Variants in ASPRV1 observed in about 807,000 individuals in gnomAD.
The protein encoded by ASPRV1 is aspartic peptidase retroviral like 1, also known as retroviral-like aspartic protease 1.
A neutral mutation model predicts 11.0 loss-of-function variants in ASPRV1; 7 were observed. That is an observed-to-expected ratio of 0.64 (90% confidence interval 0.36 to 1.20). The LOEUF (loss-of-function observed/expected upper bound fraction) is 1.20, where lower values mean the gene tolerates loss of function less well. Ranked by LOEUF, ASPRV1 falls within the 50% of genes most tolerant of loss-of-function variation. The pLI is 0.02. For missense variants in ASPRV1, 299 were observed against 320.0 expected (o/e 0.93, Z 0.50); for synonymous variants, 136 against 138.4 (o/e 0.98, Z 0.12).
At chr2:70,004,346 A>G in the ASPRV1 span, among the ~76,000 whole-genome samples, 3 of 152,056 alleles carry the variant, frequency 2.0e-5, no homozygotes, top group Non-Finnish European at 2.9e-5. Flanking sequence ...CCTGGCCAAC[A>G]TGGTAAAACC....
chr2:70,031,277 T>C, the ASPRV1 span: 1 of 152,220 alleles, frequency 6.6e-6, no homozygotes, highest in South Asian at 2.1e-4. Context: ...AAGGATTTGC[T>C]GAGAAAGGCT....
chr2:70,057,156 C>T, the ASPRV1 span, among the ~76,000 whole-genome samples: 1 of 151,874 alleles, frequency 6.6e-6, no homozygotes, highest in Non-Finnish European at 1.5e-5. Flanking sequence ...AATCCCAGCA[C>T]TTTGGGAGGC....
At chr2:69,981,656 G>T in the ASPRV1 span, among the ~76,000 whole-genome samples, 4 of 152,038 alleles carry the variant, frequency 2.6e-5, no homozygotes, top group African/African-American at 7.2e-5. Context: ...TCCCGGGTTC[G>T]AGCAATTATC....
chr2:69,981,477 CAT>C, the ASPRV1 span, among the ~76,000 whole-genome samples: 1 of 152,168 alleles, frequency 6.6e-6, no homozygotes, highest in East Asian at 1.9e-4. Flanking sequence ...TAGAGTGAAT[CAT>C]AGTTTCTTCT....
At chr2:70,021,159 C>T in the ASPRV1 span, among the ~76,000 whole-genome samples, 1 of 152,038 alleles carries the variant, frequency 6.6e-6, no homozygotes, top group African/African-American at 2.4e-5. Flanking sequence ...TGGTGTTTTT[C>T]CTTCTGTAAC....
chr2:70,000,988 A>C, the ASPRV1 span, among the ~76,000 whole-genome samples: 1 of 152,028 alleles, frequency 6.6e-6, no homozygotes, highest in Admixed American at 6.6e-5. Context: ...CAAATTTGCA[A>C]AATTTTCAAA....
chr2:70,076,105 G>A, the ASPRV1 span, among the ~76,000 whole-genome samples: 3 of 152,092 alleles, frequency 2.0e-5, no homozygotes, highest in African/African-American at 4.8e-5. Flanking sequence ...TCAATTCAGA[G>A]AATAATCGAG....
the ASPRV1 span, among the ~76,000 whole-genome samples, chr2:70,086,741 G>A: frequency 6.6e-6 from 1 of 152,262 alleles, no homozygotes; most frequent in Admixed American, 6.5e-5. Flanking sequence ...GGCTTTAACC[G>A]AAAGAAACTT....
At position 69,961,095 on chromosome 2, in the gene ASPRV1, G is replaced by A. The variant is rs754850728; in HGVS notation, c.342C>T (p.Leu114=). Reference sequence around the variant, plus strand: ...CGGGCACTTTGCCAATCTTCCCCTTGAGATAGTAGCCCTTACCCATGCTGT... The same window carrying A: ...CGGGCACTTTGCCAATCTTCCCCTTAAGATAGTAGCCCTTACCCATGCTGT... ...FANSMGKGYY[L]KGKIGKVPVR... is the part of the protein sequence containing the mutation. Residue 114 remains leucine, a synonymous_variant, in exon 1 of 1, where the codon CTC becomes CTT. Coordinates refer to ENST00000320256, the MANE Select transcript of ASPRV1 (RefSeq NM_152792.4). 8 of 1,613,772 alleles carry A rather than the reference G, an allele frequency of 5.0e-6. No homozygotes were observed. The Admixed American group carries it at 1.3e-4, about 27-fold the overall frequency.
the ASPRV1 span, among the ~76,000 whole-genome samples, chr2:70,020,210 T>A: frequency 2.0e-5 from 3 of 152,154 alleles, no homozygotes; most frequent in Non-Finnish European, 2.9e-5. Flanking sequence ...AAAATATAAT[T>A]ACCATATGAT....
chr2:70,059,533 C>CA, the ASPRV1 span: 1 of 152,112 alleles, frequency 6.6e-6, no homozygotes, highest in African/African-American at 2.4e-5. Context: ...TTTCCATGGA[C>CA]AAAGGGGAGG....
the ASPRV1 span, chr2:69,939,437 T>C: frequency 6.6e-6 from 1 of 152,610 alleles, no homozygotes; most frequent in Non-Finnish European, 1.5e-5. Context: ...CCTTAAGTGG[T>C]CTCCGACTTT....
At chr2:69,974,953 G>A in the ASPRV1 span, among the ~76,000 whole-genome samples, 1 of 152,196 alleles carries the variant, frequency 6.6e-6, no homozygotes, top group Non-Finnish European at 1.5e-5. Context: ...CTGTCAACTA[G>A]CTTCCCTGCA....
At chr2:70,021,381 T>G in the ASPRV1 span, among the ~76,000 whole-genome samples, 1 of 150,230 alleles carries the variant, frequency 6.7e-6, no homozygotes, top group Non-Finnish European at 1.5e-5. Flanking sequence ...TGCAGTGGCG[T>G]GATCTCAGCT....
the ASPRV1 span, among the ~76,000 whole-genome samples, chr2:70,054,417 TAC>T: frequency 6.6e-6 from 1 of 151,510 alleles, no homozygotes; most frequent in Non-Finnish European, 1.5e-5. Context: ...CTACTAAAAA[TAC>T]ACACAAAAAA....
At chr2:70,052,094 G>A in the ASPRV1 span, among the ~76,000 whole-genome samples, 1 of 152,076 alleles carries the variant, frequency 6.6e-6, no homozygotes, top group Admixed American at 6.6e-5. Flanking sequence ...ATATTCTAAT[G>A]GAGGGAAGTT....
At chr2:70,082,679 C>T in the ASPRV1 span, among the ~76,000 whole-genome samples, 1 of 152,170 alleles carries the variant, frequency 6.6e-6, no homozygotes, top group Non-Finnish European at 1.5e-5. Flanking sequence ...CACTGCACTC[C>T]ATCCTGGGCA....
the ASPRV1 span, among the ~76,000 whole-genome samples, chr2:70,011,252 C>T: frequency 1.3e-5 from 2 of 151,900 alleles, no homozygotes; most frequent in South Asian, 2.1e-4. Context: ...TGCACATGTA[C>T]CCCTGAACCT....
chr2:69,968,968 C>T, the ASPRV1 span, among the ~76,000 whole-genome samples: 1 of 152,238 alleles, frequency 6.6e-6, no homozygotes, highest in Admixed American at 6.5e-5. Context: ...TCCGTGGGTT[C>T]CCTGCCTTTA....
Sources: gnomAD v4.1 joint callset for allele counts (sites outside exome capture counted in the v4.1 genomes callset) on GRCh38, gnomAD v4.1.1 for gene constraint, MANE v1.5 for transcripts, NCBI Gene and HGNC (gene_info 2026-07-23, HGNC 2026-07-21) for gene names.